Variants in ADAMTSL1 observed in about 807,000 individuals in gnomAD.
The protein encoded by ADAMTSL1 is ADAMTS-like protein 1.
Under a neutral mutation model 201.8 loss-of-function variants are expected in ADAMTSL1, and 126 were observed. That is an observed-to-expected ratio of 0.62 (90% CI 0.54 to 0.72). The LOEUF (loss-of-function observed/expected upper bound fraction) is 0.72. Ranked by LOEUF, ADAMTSL1 falls within the 30% of genes least tolerant of loss-of-function variation. The probability of loss-of-function intolerance (pLI) is 0.00; values close to 1 mark genes in which losing one functional copy is unlikely to be tolerated. For missense variants in ADAMTSL1, 2,679 were observed against 2,277.8 expected, an observed-to-expected ratio of 1.18 and a Z score of -3.59; for synonymous variants, 1,121 against 903.4, an observed-to-expected ratio of 1.24 and a Z score of -4.32.
chr9:18,109,352 A>G (rs1228174487), intron 1 of ADAMTSL1, among the ~76,000 whole-genome samples: 1 of 152,134 alleles, frequency 6.6e-6, no homozygotes, highest in Admixed American at 6.6e-5. Flanking sequence ...TCATCCAGGA[A>G]GAGTTTGGAG....
chr9:18,152,949 T>C (rs1826982407), intron 1 of ADAMTSL1, among the ~76,000 whole-genome samples: 1 of 152,086 alleles, frequency 6.6e-6, no homozygotes, highest in African/African-American at 2.4e-5. Context: ...TCATATTTTC[T>C]TTCTTTATAA....
At chr9:18,257,057 A>G (rs1831715809) in intron 2 of ADAMTSL1, among the ~76,000 whole-genome samples, 4 of 152,180 alleles carry the variant, frequency 2.6e-5, no homozygotes, top group Non-Finnish European at 5.9e-5. Context: ...AATTCATCCA[A>G]AAAATAAGCT....
intron 1 of ADAMTSL1, among the ~76,000 whole-genome samples, chr9:18,145,819 A>G (rs530676217): frequency 1.3e-5 from 2 of 152,344 alleles, no homozygotes; most frequent in Non-Finnish European, 1.5e-5. Flanking sequence ...ACAAGCCCAT[A>G]GAATGGGAGA....
intron 5 of ADAMTSL1, among the ~76,000 whole-genome samples, chr9:18,624,310 GA>G (rs1219059204): frequency 5.9e-5 from 9 of 152,174 alleles, no homozygotes; most frequent in African/African-American, 2.2e-4. Context: ...TCCATAAGAT[GA>G]AAAATTTCTA....
intron 1 of ADAMTSL1, among the ~76,000 whole-genome samples, chr9:17,908,766 T>C (rs1251974028): frequency 6.6e-6 from 1 of 152,248 alleles, no homozygotes; most frequent in Non-Finnish European, 1.5e-5. Flanking sequence ...CCAATGTGAC[T>C]TGTTTTATAG....
chr9:18,458,995 A>G (rs982175219), intron 2 of ADAMTSL1, among the ~76,000 whole-genome samples: 2 of 152,214 alleles, frequency 1.3e-5, no homozygotes, highest in African/African-American at 2.4e-5. Flanking sequence ...TTGTGTTTAA[A>G]GAAATAACAC....
At chr9:17,937,273 T>C (rs1827047472) in intron 1 of ADAMTSL1, among the ~76,000 whole-genome samples, 2 of 152,166 alleles carry the variant, frequency 1.3e-5, no homozygotes. Flanking sequence ...ATCCTCACAA[T>C]AGCCATTTCA....
At chr9:18,514,486 T>C (rs932389878) in intron 2 of ADAMTSL1, among the ~76,000 whole-genome samples, 9 of 152,042 alleles carry the variant, frequency 5.9e-5, no homozygotes, top group African/African-American at 9.6e-5. Flanking sequence ...CCCGCCACCA[T>C]GCCCGGCTAC....
At chr9:18,044,951 T>A (rs1486537044) in intron 1 of ADAMTSL1, among the ~76,000 whole-genome samples, 1 of 152,194 alleles carries the variant, frequency 6.6e-6, no homozygotes, top group African/African-American at 2.4e-5. Flanking sequence ...TGATGCACTT[T>A]TATTCCTAAA....
intron 1 of ADAMTSL1, among the ~76,000 whole-genome samples, chr9:18,035,588 T>G (rs1023366849): frequency 6.6e-6 from 1 of 152,158 alleles, no homozygotes; most frequent in Non-Finnish European, 1.5e-5. Flanking sequence ...AGGCCTGCCT[T>G]AATGACATCT....
intron 1 of ADAMTSL1, among the ~76,000 whole-genome samples, chr9:18,108,915 A>G (rs1257717386): frequency 6.6e-6 from 1 of 152,166 alleles, no homozygotes; most frequent in Non-Finnish European, 1.5e-5. Context: ...GTTGTGTACA[A>G]GGTAGGGAGG....
chr9:17,995,758 G>A (rs1819349278), intron 1 of ADAMTSL1, among the ~76,000 whole-genome samples: 2 of 151,480 alleles, frequency 1.3e-5, no homozygotes, highest in South Asian at 4.2e-4. Flanking sequence ...TATATTATAG[G>A]AGTTAGAGTG....
chr9:18,518,095 T>A (rs541389855), intron 2 of ADAMTSL1, among the ~76,000 whole-genome samples: 1 of 152,174 alleles, frequency 6.6e-6, no homozygotes, highest in Non-Finnish European at 1.5e-5. Context: ...ATTCTGCAGC[T>A]CAGAGACCAA....
At chr9:18,661,786 A>T (rs1049998172) in intron 8 of ADAMTSL1, 149 bp from the exon 9 acceptor site, 3 of 800,374 alleles carry the variant, frequency 3.7e-6, no homozygotes, top group Admixed American at 3.3e-5. Context: ...GCAAAAATTA[A>T]TGAGCCTTCC....
intron 1 of ADAMTSL1, among the ~76,000 whole-genome samples, chr9:17,980,868 G>C (rs1217535903): frequency 6.6e-6 from 1 of 152,102 alleles, no homozygotes. Flanking sequence ...TTCTGATAGG[G>C]GCTTCAGGCT....
At chr9:18,554,498 A>T (rs1026829672) in intron 3 of ADAMTSL1, among the ~76,000 whole-genome samples, 1 of 151,804 alleles carries the variant, frequency 6.6e-6, no homozygotes, top group African/African-American at 2.4e-5. Flanking sequence ...CCCAATGCGA[A>T]TCCAAGACCA....
chr9:18,707,397 C>T (rs758593422), intron 14 of ADAMTSL1, among the ~76,000 whole-genome samples: 3 of 152,226 alleles, frequency 2.0e-5, no homozygotes, highest in Non-Finnish European at 2.9e-5. Context: ...CTGCCCTTGC[C>T]TCAGTGCATG....
intron 1 of ADAMTSL1, among the ~76,000 whole-genome samples, chr9:18,111,370 T>C (rs192232801): frequency 1.4e-4 from 22 of 152,200 alleles, no homozygotes; most frequent in Admixed American, 5.9e-4. Context: ...TGTCTAAAGC[T>C]TTATGTATTT....
intron 19 of ADAMTSL1, among the ~76,000 whole-genome samples, chr9:18,780,001 T>C (rs577532040): frequency 7.2e-5 from 11 of 152,270 alleles, no homozygotes; most frequent in African/African-American, 2.4e-4. Context: ...TAAAAAGCTG[T>C]GGAACGAGAC....
Sources: allele counts gnomAD v4.1 joint callset (sites outside exome capture counted in the v4.1 genomes callset), GRCh38; gene constraint gnomAD v4.1.1; transcripts MANE v1.5; gene names NCBI Gene and HGNC (gene_info 2026-07-23, HGNC 2026-07-21).